The following LRMDA variants were observed in gnomAD, a reference collection of about 807,000 sequenced individuals.
The protein encoded by LRMDA is leucine-rich melanocyte differentiation-associated protein.
LRMDA carries 18 observed loss-of-function variants against 29.8 expected under a neutral mutation model. The ratio of observed to expected loss-of-function variants is 0.60; its 90% CI spans 0.42 to 0.90. LRMDA has a LOEUF of 0.90. LRMDA is among the 40% of genes least tolerant of loss of function. The pLI is 0.00. For missense variants in LRMDA, 273 were observed against 273.9 expected (o/e 1.00, Z 0.02); for synonymous variants, 125 against 109.4 (o/e 1.14, Z -0.89).
chr10:76,457,920 G>T (rs1842473734), intron 6 of LRMDA, among the ~76,000 whole-genome samples: 1 of 152,118 alleles, frequency 6.6e-6, no homozygotes, highest in Non-Finnish European at 1.5e-5. Flanking sequence ...AGTATCAGCT[G>T]TAATGGTGAA....
chr10:76,106,233 G>A (rs1441770048), intron 5 of LRMDA, among the ~76,000 whole-genome samples: 1 of 152,196 alleles, frequency 6.6e-6, no homozygotes, highest in Non-Finnish European at 1.5e-5. Context: ...TAGTAAATGT[G>A]AGTACGTCTG....
At chr10:76,071,340 A>G (rs1328135832) in intron 5 of LRMDA, among the ~76,000 whole-genome samples, 1 of 152,248 alleles carries the variant, frequency 6.6e-6, no homozygotes, top group Non-Finnish European at 1.5e-5. Context: ...CTGTATTATG[A>G]AACAAACAAA....
At chr10:76,426,724 T>C (rs1265473846) in intron 6 of LRMDA, among the ~76,000 whole-genome samples, 2 of 152,228 alleles carry the variant, frequency 1.3e-5, no homozygotes, top group Non-Finnish European at 2.9e-5. Context: ...TCTAGGGTTT[T>C]TATGGTTTTA....
In LRMDA at chr10:76,166,662, T is replaced by C. The variant is rs568638741; in HGVS notation, c.516+107879T>C. Among the ~76,000 whole-genome samples the C allele has an allele frequency of 3.9e-5, 6 of 152,362 alleles. No homozygotes were observed. The South Asian group carries it at 1.2e-3, about 32-fold the overall frequency. Reference sequence around the variant, plus strand: ...GAGGACATGATCTTGTTCTTTTTTATGGCTGCGTAGTATTCCATGGTATAT... The same window carrying C: ...GAGGACATGATCTTGTTCTTTTTTACGGCTGCGTAGTATTCCATGGTATAT... On this transcript the variant is annotated intron_variant, in intron 5 of 6. Transcript: ENST00000611255.
intron 2 of LRMDA, among the ~76,000 whole-genome samples, chr10:75,682,832 G>T (rs1842040599): frequency 6.6e-6 from 1 of 152,074 alleles, no homozygotes; most frequent in Non-Finnish European, 1.5e-5. Context: ...CCTGAGACTG[G>T]CCTGTTAAAA....
intron 5 of LRMDA, among the ~76,000 whole-genome samples, chr10:76,169,006 A>G (rs926614514): frequency 3.9e-5 from 6 of 152,162 alleles, no homozygotes; most frequent in African/African-American, 1.4e-4. Context: ...GAAAAGAAGG[A>G]CATTCTAGGA....
At chr10:75,501,576 A>G (rs767721791) in intron 2 of LRMDA, among the ~76,000 whole-genome samples, 5 of 152,284 alleles carry the variant, frequency 3.3e-5, no homozygotes, top group Admixed American at 2.6e-4. Flanking sequence ...AGGGCTTTCT[A>G]TGGTGAAATT....
chr10:75,668,339 A>G (rs995402343), intron 2 of LRMDA, among the ~76,000 whole-genome samples: 2 of 152,254 alleles, frequency 1.3e-5, no homozygotes, highest in African/African-American at 4.8e-5. Flanking sequence ...GCTACCTGGG[A>G]TGCTGTGTTG....
At position 76,203,260 on chromosome 10, in the gene LRMDA, T is replaced by C. The variant is rs183032347; in HGVS notation, c.517-121141T>C. Among the ~76,000 whole-genome samples, 37 of 152,304 alleles carry C rather than the reference T, an allele frequency of 2.4e-4. 1 individual carries two copies. The highest frequency in any genetic ancestry group is 8.9e-4 in the African/African-American group (37 of 41,568). Reference sequence around the variant, plus strand: ...TCTTCTCTGGCCTCAGCTTCTTCACTTGTAAAATGAGAAGAATGGAGCAAA... The same window carrying C: ...TCTTCTCTGGCCTCAGCTTCTTCACCTGTAAAATGAGAAGAATGGAGCAAA... On this transcript the variant is annotated intron_variant, in intron 5 of 6. Transcript: ENST00000611255.
At chr10:76,215,502 T>C (rs1457847354) in intron 5 of LRMDA, among the ~76,000 whole-genome samples, 5 of 152,148 alleles carry the variant, frequency 3.3e-5, no homozygotes, top group Non-Finnish European at 4.4e-5. Flanking sequence ...TGAAGTCTGT[T>C]TGTCAAGATT....
chr10:75,564,638 G>T (rs1840347073), intron 2 of LRMDA, among the ~76,000 whole-genome samples: 1 of 152,236 alleles, frequency 6.6e-6, no homozygotes. Flanking sequence ...CTCACGCTGG[G>T]AGCTGTAGAC....
At chr10:76,330,428 C>T (rs955916819) in intron 6 of LRMDA, among the ~76,000 whole-genome samples, 1 of 152,174 alleles carries the variant, frequency 6.6e-6, no homozygotes, top group African/African-American at 2.4e-5. Flanking sequence ...TTCTTGGCCT[C>T]TCTATGTAGC....
intron 5 of LRMDA, among the ~76,000 whole-genome samples, chr10:76,257,154 T>C (rs888063988): frequency 1.3e-5 from 2 of 152,140 alleles, no homozygotes; most frequent in African/African-American, 4.8e-5. Context: ...AGCTTTACAT[T>C]AAAAATTTAA....
intron 6 of LRMDA, among the ~76,000 whole-genome samples, chr10:76,444,764 GGAA>G (rs1170853555): frequency 1.3e-5 from 2 of 152,122 alleles, no homozygotes; most frequent in Non-Finnish European, 2.9e-5. Flanking sequence ...GCTTAGGCCA[GGAA>G]GAAGGACAAT....
chr10:76,147,998 C>A (rs181866122), intron 5 of LRMDA, among the ~76,000 whole-genome samples: 100 of 152,308 alleles, frequency 6.6e-4, no homozygotes, highest in African/African-American at 2.3e-3. Context: ...TGCAGAACAG[C>A]GGATATTGGT....
At chr10:76,071,763 T>C (rs528596051) in intron 5 of LRMDA, among the ~76,000 whole-genome samples, 18 of 152,332 alleles carry the variant, frequency 1.2e-4, no homozygotes, top group African/African-American at 4.3e-4. Flanking sequence ...TTGAAAGTGA[T>C]TTATGAGTGT....
chr10:76,272,311 G>A lies in LRMDA; in HGVS notation c.517-52090G>A, dbSNP rs115417058. On this transcript the variant is annotated intron_variant, in intron 5 of 6. Transcript: ENST00000611255. The stretch of plus-strand genomic sequence containing the variant: ...TCCTCAATGGACTTGATGCCACATG[G>A]GACTTGTATGGGGCATTGCTCTCAC... 2.2e-3 allele frequency among the ~76,000 whole-genome samples: 331 copies of A among 152,252 alleles called. 1 individual carries two copies. The highest frequency in any genetic ancestry group is 7.7e-3 in the African/African-American group (320 of 41,558).
At chr10:75,950,236 C>T (rs765671936) in intron 2 of LRMDA, among the ~76,000 whole-genome samples, 3 of 152,128 alleles carry the variant, frequency 2.0e-5, no homozygotes, top group Non-Finnish European at 4.4e-5. Context: ...CCCTTCTTTC[C>T]CTCTCTGTAG....
chr10:76,159,893 G>T (rs1202702550), intron 5 of LRMDA, among the ~76,000 whole-genome samples: 1 of 152,124 alleles, frequency 6.6e-6, no homozygotes, highest in African/African-American at 2.4e-5. Context: ...AGGATGAATA[G>T]GCAGAGAACA....
Sources: allele counts gnomAD v4.1 joint callset (sites outside exome capture counted in the v4.1 genomes callset), GRCh38; gene constraint gnomAD v4.1.1; transcripts MANE v1.5; gene names NCBI Gene and HGNC (gene_info 2026-07-23, HGNC 2026-07-21).